Variants in TNFSF15 observed in about 807,000 individuals in gnomAD.
TNFSF15 encodes the protein TNF superfamily member 15, also known as tumor necrosis factor ligand superfamily member 15.
A neutral mutation model predicts 26.4 loss-of-function variants in TNFSF15; 15 were observed. The ratio of observed to expected loss-of-function variants is 0.57; its 90% confidence interval spans 0.38 to 0.87. The LOEUF (loss-of-function observed/expected upper bound fraction) is 0.87, where lower values mean the gene tolerates loss of function less well. TNFSF15 is among the 40% of genes least tolerant of loss of function. The pLI is 0.00. For missense variants in TNFSF15, 290 were observed against 306.1 expected, an observed-to-expected ratio of 0.95 and a Z score of 0.39; for synonymous variants, 116 against 115.0, an observed-to-expected ratio of 1.01 and a Z score of -0.06.
chr9:114,795,344 ATG>A (rs1829660818), intron 1 of TNFSF15, among the ~76,000 whole-genome samples: 1 of 152,170 alleles, frequency 6.6e-6, no homozygotes, highest in Non-Finnish European at 1.5e-5. Flanking sequence ...ACATCTCAAA[ATG>A]TGTGTGTTGT....
At chr9:114,799,128 G>A (rs879557829) in intron 1 of TNFSF15, among the ~76,000 whole-genome samples, 1 of 152,186 alleles carries the variant, frequency 6.6e-6, no homozygotes, top group Admixed American at 6.5e-5. Flanking sequence ...AGGGCTTTAT[G>A]TGCAACATTC....
intron 1 of TNFSF15, among the ~76,000 whole-genome samples, chr9:114,801,276 C>A (rs777278286): frequency 2.0e-4 from 30 of 152,120 alleles, no homozygotes; most frequent in Non-Finnish European, 1.6e-4. Flanking sequence ...CAGAGTAAGG[C>A]CTGTGGACCC....
chr9:114,801,354 G>C (rs568294879), intron 1 of TNFSF15, among the ~76,000 whole-genome samples: 8 of 152,324 alleles, frequency 5.3e-5, no homozygotes, highest in African/African-American at 1.7e-4. Flanking sequence ...GTCAAGTGCA[G>C]CTGGGTAAAA....
chr9:114,792,457 G>A lies in TNFSF15; in HGVS notation c.254-3C>T. On this transcript the variant is annotated splice_polypyrimidine_tract_variant and splice_region_variant and intron_variant, in intron 2 of 3. Coordinates refer to ENST00000374045, the MANE Select transcript of TNFSF15 (RefSeq NM_005118.4). The stretch of plus-strand genomic sequence containing the variant: ...TCCGTCTGCTCTAAGAGGTGCATCT[G>A]TAACAAAAGGAGAAATGTGCTTTGT... 1 of 1,614,128 alleles carries A rather than the reference G, an allele frequency of 6.2e-7. No individual in the cohort carries two copies. Among genetic ancestry groups the A allele is most frequent in the Non-Finnish European group, 8.5e-7 (1 of 1,179,982 alleles).
At position 114,790,475 on chromosome 9, in the gene TNFSF15, A is replaced by C; in HGVS notation, c.733T>G (p.Phe245Val). The change falls in exon 4 of 4, where the codon TTC (phenylalanine) becomes GTC (valine). Residue 245 changes from phenylalanine to valine, a missense_variant. Phe to Val is a conservative substitution (Grantham distance 50, BLOSUM62 -1). This residue lies in a region of TNFSF15 where 102 missense variants were observed against 114.7 expected (regional missense o/e 0.89). Coordinates refer to ENST00000374045, the MANE Select transcript of TNFSF15 (RefSeq NM_005118.4). Reference protein sequence around the residue: ...LVDYTKEDKTFFGAFLL With the variant: ...LVDYTKEDKTVFGAFLL Reference sequence around the variant, plus strand: ...TCCTATAGTAAGAAGGCTCCAAAGAAGGTTTTATCTTCTTTTGTGTAATCC... The same window carrying C: ...TCCTATAGTAAGAAGGCTCCAAAGACGGTTTTATCTTCTTTTGTGTAATCC... The C allele has an allele frequency of 6.2e-7, 1 of 1,609,028 alleles. No individual in the cohort carries two copies. The highest frequency in any genetic ancestry group is 8.5e-7 in the Non-Finnish European group (1 of 1,176,976).
At chr9:114,791,182 T>C in intron 3 of TNFSF15, 1 of 573,308 alleles carries the variant, frequency 1.7e-6, no homozygotes. Flanking sequence ...CTGAGACCTA[T>C]GATCCTGGAG....
At chr9:114,793,245 A>T (rs1291437358) in intron 2 of TNFSF15, among the ~76,000 whole-genome samples, 1 of 152,218 alleles carries the variant, frequency 6.6e-6, no homozygotes, top group Admixed American at 6.5e-5. Context: ...GAATAAATGC[A>T]GGCAGAGACA....
Position 114,790,831 on chromosome 9 carries a change from G to C in TNFSF15, c.377C>G (p.Ala126Gly), listed in dbSNP as rs753883025. ...ATAGTTCATTCGGTTCTTGGTGAAG[G>C]CCAGGCCTAGTTCATGTTCCCAGTG... ...ALHWEHELGL[A>G]FTKNRMNYTN... Residue 126 changes from alanine to glycine, a missense_variant, in exon 4 of 4, where the codon GCC (alanine) becomes GGC (glycine). Physicochemically the swap from Ala to Gly is moderately conservative, Grantham distance 60 (BLOSUM62 0). This residue lies in a region of TNFSF15 where 179 missense variants were observed against 165.9 expected (regional missense o/e 1.08). Coordinates refer to ENST00000374045, the MANE Select transcript of TNFSF15 (RefSeq NM_005118.4). 1.2e-6 allele frequency: 2 copies of C among 1,613,982 alleles called. No homozygotes were observed. Among genetic ancestry groups the C allele is most frequent in the South Asian group, 1.1e-5 (1 of 91,070 alleles).
At position 114,788,548 on chromosome 9, in the gene TNFSF15, G is replaced by A. The variant is rs1303125911; in HGVS notation, c.*1904C>T. On this transcript the variant is annotated 3_prime_UTR_variant, in exon 4 of 4. Coordinates refer to ENST00000374045, the MANE Select transcript of TNFSF15 (RefSeq NM_005118.4). ...GTGCTCCTGCTACACTGGACACTTT[G>A]CTCAGGAGCCTCTCAAATGCCTCTC... 1 of 152,218 alleles carries A rather than the reference G, an allele frequency of 6.6e-6. No individual in the cohort carries two copies. Among genetic ancestry groups the A allele is most frequent in the Admixed American group, 6.5e-5 (1 of 15,280 alleles). The allele number at this position is 152,218 out of a possible 1,614,324, so 9.4% of individuals were successfully genotyped here.
At position 114,790,897 on chromosome 9, in the gene TNFSF15, T is replaced by G; in HGVS notation, c.311A>C (p.Gln104Pro). ...KPRAHLTVVR[Q>P]TPTQHFKNQF... Reference sequence around the variant, plus strand: ...ATTTTTAAAGTGCTGTGTGGGAGTTTGTCTCACAACTGGAAAGACAAGAAA... The same window carrying G: ...ATTTTTAAAGTGCTGTGTGGGAGTTGGTCTCACAACTGGAAAGACAAGAAA... Residue 104 changes from glutamine (Q) to proline (P), a missense_variant, in exon 4 of 4, where the codon CAA (glutamine) becomes CCA (proline). Physicochemically the swap from Gln to Pro is moderately conservative, Grantham distance 76 (BLOSUM62 -1). Coordinates refer to ENST00000374045, the MANE Select transcript of TNFSF15 (RefSeq NM_005118.4). 2 of 1,614,058 alleles carry G rather than the reference T, an allele frequency of 1.2e-6. No homozygotes were observed. Among genetic ancestry groups the G allele is most frequent in the Non-Finnish European group, 1.7e-6 (2 of 1,179,954 alleles).
chr9:114,790,683 G>T lies in TNFSF15; in HGVS notation c.525C>A (p.Asp175Glu). 1 of 1,614,102 alleles carries T rather than the reference G, an allele frequency of 6.2e-7. No homozygotes were observed. Among genetic ancestry groups the T allele is most frequent in the South Asian group, 1.1e-5 (1 of 91,078 alleles). Residue 175 changes from aspartate (D) to glutamate (E), a missense_variant, in exon 4 of 4, where the codon GAC becomes GAA. This residue lies in a region of TNFSF15 where 102 missense variants were observed against 114.7 expected (regional missense o/e 0.89). Coordinates refer to ENST00000374045, the MANE Select transcript of TNFSF15 (RefSeq NM_005118.4). ...CCTTGGTGATGACCACAGTGATGGA[G>T]TCTGGCTTGTTTGGTCGGCCTGCTT... Reference protein sequence around the residue: ...IRQAGRPNKPDSITVVITKVT... With the variant: ...IRQAGRPNKPESITVVITKVT...
At chr9:114,803,995 C>G (rs1339947348) in intron 1 of TNFSF15, among the ~76,000 whole-genome samples, 4 of 152,206 alleles carry the variant, frequency 2.6e-5, no homozygotes, top group African/African-American at 9.7e-5. Flanking sequence ...TACAAATGCA[C>G]TTTCTTGAGT....
intron 1 of TNFSF15, among the ~76,000 whole-genome samples, chr9:114,797,804 C>T (rs1384639539): frequency 1.3e-5 from 2 of 152,202 alleles, no homozygotes; most frequent in Non-Finnish European, 2.9e-5. Flanking sequence ...TCTTTTCAAA[C>T]CACTGGCTGA....
At chr9:114,792,232 C>T (rs1587898386) in intron 3 of TNFSF15, 175 bp downstream of exon 3, 1 of 136,486 alleles carries the variant, frequency 7.3e-6, no homozygotes, top group East Asian at 1.3e-4. Context: ...TGTACACACA[C>T]ACACACACAC....
At position 114,789,768 on chromosome 9, in the gene TNFSF15, C is replaced by G. The variant is rs1003002354; in HGVS notation, c.*684G>C. 1.3e-5 allele frequency: 2 copies of G among 152,302 alleles called. No homozygotes were observed. Among genetic ancestry groups the G allele is most frequent in the African/African-American group, 4.8e-5 (2 of 41,434 alleles). 9.4% of individuals were successfully genotyped at this position (152,302 alleles called of 1,614,324 possible). ...AGCACAAAATAGGTGGGCAAGAAAA[C>G]TCTACTGAATACAAGCAACTGTTGT... On this transcript the variant is annotated 3_prime_UTR_variant, in exon 4 of 4. Transcript: ENST00000374045.
rs1829539248 is a variant in TNFSF15, at chr9:114,788,398, C to A, written c.*2054G>T. 1 of 153,408 alleles carries A rather than the reference C, an allele frequency of 6.5e-6. No individual in the cohort carries two copies. Among genetic ancestry groups the A allele is most frequent in the South Asian group, 2.1e-4 (1 of 4,808 alleles). The allele number at this position is 153,408 out of a possible 1,614,324, so 9.5% of individuals were successfully genotyped here. A position where few individuals can be genotyped will look rare whatever the true frequency, so the allele number is the denominator to read the frequency against. On this transcript the variant is annotated 3_prime_UTR_variant, in exon 4 of 4. Coordinates refer to ENST00000374045, the MANE Select transcript of TNFSF15 (RefSeq NM_005118.4). ...GCTGACTGTTTTGAGAAAGGGAAGG[C>A]AAGAAAAAGGCCTGGCTTAAGTTAG...
chr9:114,801,320 A>AT (rs1829744433), intron 1 of TNFSF15, among the ~76,000 whole-genome samples: 3 of 152,188 alleles, frequency 2.0e-5, no homozygotes, highest in Non-Finnish European at 4.4e-5. Context: ...TGTAGGGCCC[A>AT]AAGAATGCCC....
intron 1 of TNFSF15, among the ~76,000 whole-genome samples, chr9:114,794,368 G>A (rs1373183144): frequency 1.3e-5 from 2 of 152,288 alleles, no homozygotes; most frequent in South Asian, 2.1e-4. Flanking sequence ...GCAAAAGTAT[G>A]CTCTTAGCTT....
At chr9:114,791,963 C>A in intron 3 of TNFSF15, 1 of 171,194 alleles carries the variant, frequency 5.8e-6, no homozygotes. Flanking sequence ...TTCTGAATGA[C>A]TCAGTGTATG....
Sources: allele counts gnomAD v4.1 joint callset (sites outside exome capture counted in the v4.1 genomes callset), GRCh38; gene constraint gnomAD v4.1.1; regional missense constraint gnomAD v4.1.1; transcripts MANE v1.5; gene names NCBI Gene and HGNC (gene_info 2026-07-23, HGNC 2026-07-21).